Variants in CASS4 observed in about 807,000 individuals in gnomAD.
The protein encoded by CASS4 is Cas scaffold protein family member 4.
Under a neutral mutation model 54.2 loss-of-function variants are expected in CASS4, and 22 were observed. That is an observed-to-expected ratio of 0.41 (90% CI 0.29 to 0.58). The LOEUF (loss-of-function observed/expected upper bound fraction) is 0.58, where lower values mean the gene tolerates loss of function less well. CASS4 is among the 20% of genes least tolerant of loss of function. The pLI is 0.36. For synonymous variants in CASS4, 409 were observed against 391.5 expected, an observed-to-expected ratio of 1.04 and a Z score of -0.53; for missense variants, 854 against 986.7, an observed-to-expected ratio of 0.87 and a Z score of 1.80.
At chr20:56,416,176 A>G (rs961673495) in intron 1 of CASS4, among the ~76,000 whole-genome samples, 2 of 152,088 alleles carry the variant, frequency 1.3e-5, no homozygotes, top group Admixed American at 1.3e-4. Context: ...CAGCCTCCCA[A>G]GTAGCTGGGA....
intron 1 of CASS4, among the ~76,000 whole-genome samples, chr20:56,423,035 G>C (rs1979483480): frequency 6.6e-6 from 1 of 152,154 alleles, no homozygotes; most frequent in East Asian, 1.9e-4. Context: ...TGGCTGGGGT[G>C]GCAGGAAGGG....
At chr20:56,436,374 GTA>G (rs60742243) in intron 1 of CASS4, among the ~76,000 whole-genome samples, 21,629 of 135,212 alleles carry the variant, frequency 0.16, 1,642 homozygotes, top group Admixed American at 0.17. Flanking sequence ...ATATATATAT[GTA>G]TATATATATA....
At position 56,414,069 on chromosome 20, in the gene CASS4, G is replaced by A. The variant is rs151168171; in HGVS notation, c.36+1575G>A. Reference sequence around the variant, plus strand: ...CAAGGACATTCATCTACAGAACGTAGAAGAATATCTACATATCATCATACC... The same window carrying A: ...CAAGGACATTCATCTACAGAACGTAAAAGAATATCTACATATCATCATACC... On this transcript the variant is annotated intron_variant, in intron 1 of 5. Coordinates refer to ENST00000679887, the MANE Select transcript of CASS4 (RefSeq NM_020356.4). The surrounding 1 kb of genome is among the most constrained non-coding windows in gnomAD (Gnocchi z 4.1). 2.7e-4 allele frequency among the ~76,000 whole-genome samples: 41 copies of A among 152,310 alleles called. No individual in the cohort carries two copies. In the East Asian group the frequency reaches 7.1e-3, roughly 26 times the overall value.
intron 1 of CASS4, among the ~76,000 whole-genome samples, chr20:56,424,576 A>G (rs371163356): frequency 6.6e-6 from 1 of 151,934 alleles, no homozygotes; most frequent in Non-Finnish European, 1.5e-5. Flanking sequence ...CCCCGTCTCT[A>G]CTAAAAATAC....
chr20:56,448,616 A>T (rs1402725475), intron 3 of CASS4, among the ~76,000 whole-genome samples: 1 of 151,974 alleles, frequency 6.6e-6, no homozygotes, highest in Non-Finnish European at 1.5e-5. Flanking sequence ...CCCTCAGGAG[A>T]CTCACAGCCC....
In CASS4 at chr20:56,458,613, C is replaced by A; in HGVS notation, c.2227C>A (p.Leu743Met). 6.2e-7 allele frequency: 1 copy of A among 1,614,050 alleles called. No homozygotes were observed. The highest frequency in any genetic ancestry group is 8.5e-7 in the Non-Finnish European group (1 of 1,179,992). ...ILRGSSHLCS[L>M]LKDVALATKN... ...CCGTGGCAGCAGTCACCTCTGCAGC[C>A]TGCTCAAGGACGTAGCGCTGGCCAC... The change falls in exon 6 of 6, where the codon CTG becomes ATG. Residue 743 changes from leucine to methionine, a missense_variant. Transcript: ENST00000679887.
chr20:56,437,691 A>C lies in CASS4; in HGVS notation c.459+105A>C. ...GTGTCCTTCAGATCAAACACGCAAAACGGGAGCCCAGATTGCTGGCAATCA... is the reference window on the plus strand; with the variant it reads ...GTGTCCTTCAGATCAAACACGCAAACCGGGAGCCCAGATTGCTGGCAATCA... On this transcript the variant is annotated intron_variant, in intron 2 of 5. Transcript: ENST00000679887. The surrounding 1 kb of genome is among the most constrained non-coding windows in gnomAD (Gnocchi z 4.7). The C allele has an allele frequency of 1.9e-6, 2 of 1,060,662 alleles. No homozygotes were observed. Among genetic ancestry groups the C allele is most frequent in the Non-Finnish European group, 2.6e-6 (2 of 761,562 alleles). The allele number at this position is 1,060,662 out of a possible 1,614,324, so 65.7% of individuals were successfully genotyped here.
chr20:56,432,112 G>C (rs1381050471), intron 1 of CASS4, among the ~76,000 whole-genome samples: 2 of 151,918 alleles, frequency 1.3e-5, no homozygotes, highest in Non-Finnish European at 2.9e-5. Flanking sequence ...TTTTTAAAAA[G>C]AGATCATTGA....
chr20:56,413,763 A>G (rs1419274552), intron 1 of CASS4, among the ~76,000 whole-genome samples: 1 of 151,872 alleles, frequency 6.6e-6, no homozygotes, highest in African/African-American at 2.4e-5. Context: ...TTATATGTAA[A>G]TATCTTAGCT....
intron 1 of CASS4, among the ~76,000 whole-genome samples, chr20:56,415,739 C>A (rs763457063): frequency 2.0e-5 from 3 of 152,308 alleles, no homozygotes; most frequent in African/African-American, 7.2e-5. Flanking sequence ...CCCTGAAGTT[C>A]GCCTTTGTAC....
At chr20:56,426,394 CG>C (rs1397537866) in intron 1 of CASS4, among the ~76,000 whole-genome samples, 3 of 152,180 alleles carry the variant, frequency 2.0e-5, no homozygotes, top group Non-Finnish European at 4.4e-5. Flanking sequence ...TCCTGATTCC[CG>C]AGGCGTTGGC....
At position 56,414,002 on chromosome 20, in the gene CASS4, A is replaced by C. The variant is rs979953621; in HGVS notation, c.36+1508A>C. Reference sequence around the variant, plus strand: ...TCTTTGAAAATAAATGGCCAATACAATGACGCTCCACCCCTAAACTTCATT... The same window carrying C: ...TCTTTGAAAATAAATGGCCAATACACTGACGCTCCACCCCTAAACTTCATT... On this transcript the variant is annotated intron_variant, in intron 1 of 5. Transcript: ENST00000679887. This position sits in a 1 kb window ranked among gnomAD's most constrained non-coding sequence, Gnocchi z 4.1. Among the ~76,000 whole-genome samples, 1 of 152,208 alleles carries C rather than the reference A, an allele frequency of 6.6e-6. No individual in the cohort carries two copies. Among genetic ancestry groups the C allele is most frequent in the African/African-American group, 2.4e-5 (1 of 41,440 alleles).
intron 1 of CASS4, among the ~76,000 whole-genome samples, chr20:56,428,047 T>C (rs1979726572): frequency 6.6e-6 from 1 of 152,198 alleles, no homozygotes; most frequent in Non-Finnish European, 1.5e-5. Flanking sequence ...GGGAACTTCC[T>C]TATTTACCAC....
Position 56,441,173 on chromosome 20 carries a change from T to C in CASS4, c.459+3587T>C, listed in dbSNP as rs1214783056. Among the ~76,000 whole-genome samples, 3 of 150,672 alleles carry C rather than the reference T, an allele frequency of 2.0e-5. No individual in the cohort carries two copies. The East Asian group carries it at 5.9e-4, about 30-fold the overall frequency. On this transcript the variant is annotated intron_variant, in intron 2 of 5. Transcript: ENST00000679887. ...CTGGCTAAATTTTTTTTGTATTTTT[T>C]AGTAGTGACAGGGTTTCGCCATGTT...
intron 2 of CASS4, among the ~76,000 whole-genome samples, chr20:56,445,494 G>A (rs879646232): frequency 2.0e-5 from 3 of 152,194 alleles, no homozygotes; most frequent in Non-Finnish European, 2.9e-5. Context: ...GAATGTAGAC[G>A]AATAGCTCAG....
chr20:56,442,205 C>G (rs1980494400), intron 2 of CASS4, among the ~76,000 whole-genome samples: 1 of 151,766 alleles, frequency 6.6e-6, no homozygotes, highest in Admixed American at 6.5e-5. Flanking sequence ...AAGGTGGAAA[C>G]ATGTCATTTT....
At chr20:56,426,868 C>T (rs937213355) in intron 1 of CASS4, among the ~76,000 whole-genome samples, 3 of 152,142 alleles carry the variant, frequency 2.0e-5, no homozygotes, top group Non-Finnish European at 2.9e-5. Flanking sequence ...CATGAGCCAC[C>T]GCACCCAGCC....
chr20:56,443,674 T>G (rs1021586052), intron 2 of CASS4, among the ~76,000 whole-genome samples: 1 of 151,146 alleles, frequency 6.6e-6, no homozygotes, highest in Non-Finnish European at 1.5e-5. Flanking sequence ...AAAGGCGGGG[T>G]TTAGGTGAAG....
upstream of CASS4, chr20:56,412,248 C>A: frequency 1.7e-6 from 1 of 580,680 alleles, no homozygotes; most frequent in Non-Finnish European, 3.1e-6. This position sits in a 1 kb window ranked among gnomAD's most constrained non-coding sequence, Gnocchi z 4.2. Flanking sequence ...TCCTCCCCTG[C>A]TTCACTGCTT....
Sources: gnomAD v4.1 joint callset for allele counts (sites outside exome capture counted in the v4.1 genomes callset) on GRCh38, gnomAD v4.1.1 for gene constraint, Gnocchi (gnomAD v3.1) non-coding constraint, MANE v1.5 for transcripts, NCBI Gene and HGNC (gene_info 2026-07-23, HGNC 2026-07-21) for gene names.